CCNJL: variants seen among roughly 807,000 people sequenced by gnomAD.
CCNJL encodes the protein cyclin-J-like protein.
In CCNJL, 33 loss-of-function variants were observed where a neutral mutation model predicts 33.4. The ratio of observed to expected loss-of-function variants is 0.99; its 90% CI spans 0.75 to 1.32. The LOEUF is 1.32. Ranked by LOEUF, CCNJL falls within the 40% of genes most tolerant of loss-of-function variation. The pLI is 0.00. For synonymous variants in CCNJL, 227 were observed against 220.9 expected (o/e 1.03, Z -0.24); for missense variants, 512 against 499.7 (o/e 1.02, Z -0.23).
At chr5:160,295,313 C>A (rs535985623) in intron 2 of CCNJL, among the ~76,000 whole-genome samples, 1 of 152,122 alleles carries the variant, frequency 6.6e-6, no homozygotes, top group Non-Finnish European at 1.5e-5. Context: ...ACAGGTGAAA[C>A]CCTGTCTCTA....
chr5:160,270,594 TAAAC>T (rs1452458178), intron 3 of CCNJL, among the ~76,000 whole-genome samples: 1 of 151,970 alleles, frequency 6.6e-6, no homozygotes, highest in South Asian at 2.1e-4. Context: ...TAAATAAAAA[TAAAC>T]AAACACTCAA....
chr5:160,255,533 C>T lies in CCNJL; in HGVS notation c.743+16G>A. On this transcript the variant is annotated intron_variant, in intron 5 of 5. Coordinates refer to ENST00000257536, the MANE Select transcript of CCNJL (RefSeq NM_001308173.3). ...CTCACTATTTCAGAAACACAGGATTCAGGGGAGAAACTTACACCAGCAGGA... is the reference window on the plus strand; with the variant it reads ...CTCACTATTTCAGAAACACAGGATTTAGGGGAGAAACTTACACCAGCAGGA... The T allele has an allele frequency of 6.2e-7, 1 of 1,613,152 alleles. No individual in the cohort carries two copies. Among genetic ancestry groups the T allele is most frequent in the Non-Finnish European group, 8.5e-7 (1 of 1,179,286 alleles).
intron 4 of CCNJL, among the ~76,000 whole-genome samples, chr5:160,257,610 C>T (rs762495170): frequency 6.6e-6 from 1 of 151,684 alleles, no homozygotes; most frequent in Non-Finnish European, 1.5e-5. Flanking sequence ...CCCAGGAGTT[C>T]GAGACCTACC....
At chr5:160,295,103 G>A (rs1345672653) in intron 2 of CCNJL, 1 of 152,254 alleles carries the variant, frequency 6.6e-6, no homozygotes, top group African/African-American at 2.4e-5. Flanking sequence ...ATCCCCTGGG[G>A]ACCTATTTAA....
rs751148381 is a variant in CCNJL at position 160,280,513 on chromosome 5, G to T, written c.280+12C>A. 4.4e-6 allele frequency: 7 copies of T among 1,608,724 alleles called. No individual in the cohort carries two copies. The African/African-American group carries it at 6.7e-5, about 15-fold the overall frequency. On this transcript the variant is annotated intron_variant, in intron 3 of 5. Coordinates refer to ENST00000257536, the MANE Select transcript of CCNJL (RefSeq NM_001308173.3). ...CGCACAAGCGCGGAGGAAGACGTAGGTTTTCGCTTACTTGCAAGCAGGAGG... is the reference window on the plus strand; with the variant it reads ...CGCACAAGCGCGGAGGAAGACGTAGTTTTTCGCTTACTTGCAAGCAGGAGG...
At chr5:160,314,415 A>T (rs1180645114), upstream of CCNJL, among the ~76,000 whole-genome samples, 1 of 152,174 alleles carries the variant, frequency 6.6e-6, no homozygotes, top group Non-Finnish European at 1.5e-5. Flanking sequence ...AGGTTGGGGG[A>T]AAAAAGTAAA....
intron 2 of CCNJL, among the ~76,000 whole-genome samples, chr5:160,285,682 G>A (rs77485188): frequency 0.03 from 4,633 of 152,346 alleles, 251 homozygotes; most frequent in African/African-American, 0.11. Context: ...CCACACAAGT[G>A]TCCCATCTGG....
chr5:160,298,461 T>C (rs1762819322), intron 2 of CCNJL, among the ~76,000 whole-genome samples: 1 of 152,124 alleles, frequency 6.6e-6, no homozygotes, highest in Admixed American at 6.6e-5. Flanking sequence ...GAGCAAATCC[T>C]GATGGAGGGA....
intron 2 of CCNJL, among the ~76,000 whole-genome samples, chr5:160,286,985 A>G (rs1350736927): frequency 6.6e-6 from 1 of 152,180 alleles, no homozygotes; most frequent in African/African-American, 2.4e-5. Flanking sequence ...ATCGAATAAG[A>G]AAGAATAAAT....
intron 3 of CCNJL, among the ~76,000 whole-genome samples, chr5:160,277,326 T>G (rs940285280): frequency 6.6e-6 from 1 of 152,200 alleles, no homozygotes; most frequent in African/African-American, 2.4e-5. Flanking sequence ...GCCGCTGTGA[T>G]GCCGATGATT....
Position 160,253,529 on chromosome 5 carries a change from T to C in CCNJL, c.1013A>G (p.Gln338Arg), listed in dbSNP as rs1193666612. ...SSLHTPYQPLQPLDMCPVPVP... is the reference protein window; with the variant it reads ...SSLHTPYQPLRPLDMCPVPVP... ...GGGCACGGGACACATATCCAAGGGC[T>C]GCAGCGGTTGGTACGGGGTGTGGAG... is the stretch of plus-strand genomic sequence containing the variant. Residue 338 changes from glutamine to arginine, a missense_variant, in exon 6 of 6, where the codon CAG becomes CGG. Gln to Arg is a conservative substitution (Grantham distance 43, BLOSUM62 1). Coordinates refer to ENST00000257536, the MANE Select transcript of CCNJL (RefSeq NM_001308173.3). The C allele has an allele frequency of 6.2e-7, 1 of 1,614,200 alleles. No homozygotes were observed.
intron 2 of CCNJL, among the ~76,000 whole-genome samples, chr5:160,291,493 CT>C (rs1459471412): frequency 6.6e-6 from 1 of 152,206 alleles, no homozygotes; most frequent in Non-Finnish European, 1.5e-5. Context: ...CCACAGGACA[CT>C]CCTCCTGCCC....
chr5:160,303,714 GTGTGTGTGTGTGTC>G (rs1312712408), intron 2 of CCNJL, among the ~76,000 whole-genome samples: 178 of 99,090 alleles, frequency 1.8e-3, no homozygotes, highest in South Asian at 2.7e-3. Flanking sequence ...GTGTGTGTGT[GTGTGTGTGTGTGTC>G]TGTGTGTGTG....
intron 3 of CCNJL, among the ~76,000 whole-genome samples, chr5:160,275,381 C>T (rs1464118865): frequency 2.6e-5 from 4 of 152,090 alleles, no homozygotes; most frequent in African/African-American, 4.8e-5. Context: ...TCACCGTGCC[C>T]GGCTGAGGTC....
chr5:160,257,672 G>A (rs1244109073), intron 4 of CCNJL, among the ~76,000 whole-genome samples: 1 of 151,600 alleles, frequency 6.6e-6, no homozygotes, highest in African/African-American at 2.4e-5. Context: ...AAAAAAATAA[G>A]CGCAACCTTG....
intron 1 of CCNJL, among the ~76,000 whole-genome samples, chr5:160,334,264 T>C (rs1763655571): frequency 6.6e-6 from 1 of 152,184 alleles, no homozygotes; most frequent in African/African-American, 2.4e-5. Context: ...TTAAATCCTT[T>C]GGTTGTACAC....
intron 2 of CCNJL, among the ~76,000 whole-genome samples, chr5:160,285,019 G>C (rs1762359230): frequency 6.6e-6 from 1 of 152,074 alleles, no homozygotes; most frequent in African/African-American, 2.4e-5. Context: ...GAGGTCAGGA[G>C]TTCAAGACCT....
intron 3 of CCNJL, chr5:160,261,028 C>T (rs1272835597): frequency 1.3e-5 from 2 of 152,366 alleles, no homozygotes; most frequent in Non-Finnish European, 2.9e-5. Context: ...CAGCTGACCT[C>T]AAAGCACACA....
chr5:160,289,435 AT>A (rs201052097), intron 2 of CCNJL, among the ~76,000 whole-genome samples: 1,649 of 151,914 alleles, frequency 0.011, 13 homozygotes, highest in South Asian at 0.025. Flanking sequence ...GGACTCCCTT[AT>A]CTACCCTGGC....
Sources: gnomAD v4.1 joint callset for allele counts (sites outside exome capture counted in the v4.1 genomes callset) on GRCh38, gnomAD v4.1.1 for gene constraint, MANE v1.5 for transcripts, NCBI Gene and HGNC (gene_info 2026-07-23, HGNC 2026-07-21) for gene names.